Variants in TNS1 observed in about 807,000 individuals in gnomAD.
The protein encoded by TNS1 is tensin-1.
In TNS1, 62 loss-of-function variants were observed where a neutral mutation model predicts 168.6. The ratio of observed to expected loss-of-function variants is 0.37; its 90% CI spans 0.30 to 0.45. The LOEUF (loss-of-function observed/expected upper bound fraction) is 0.45. Ranked by LOEUF, TNS1 falls within the 20% of genes least tolerant of loss-of-function variation. TNS1 has a pLI of 1.00. For synonymous variants in TNS1, 934 were observed against 933.2 expected, an observed-to-expected ratio of 1.00 and a Z score of -0.02; for missense variants, 2,240 against 2,339.4, an observed-to-expected ratio of 0.96 and a Z score of 0.88.
intron 7 of TNS1, among the ~76,000 whole-genome samples, chr2:217,898,301 C>T (rs540635224): frequency 6.6e-6 from 1 of 152,374 alleles, no homozygotes; most frequent in East Asian, 1.9e-4. Context: ...CAGGGCCAGA[C>T]TGGCCCAGGA....
chr2:217,904,591 T>C (rs1036004096), intron 6 of TNS1, among the ~76,000 whole-genome samples: 1 of 152,080 alleles, frequency 6.6e-6, no homozygotes, highest in African/African-American at 2.4e-5. Flanking sequence ...ACAGCACACT[T>C]ACCCACCCCG....
upstream of TNS1, among the ~76,000 whole-genome samples, chr2:218,013,250 T>C (rs1319461638): frequency 3.4e-5 from 5 of 149,238 alleles, no homozygotes; most frequent in Non-Finnish European, 7.4e-5. Flanking sequence ...AGCGAGACTC[T>C]ATCTCAAAAA....
chr2:217,805,486 A>ACACACAC (rs1938449481), intron 32 of TNS1, among the ~76,000 whole-genome samples: 1 of 35,386 alleles, frequency 2.8e-5, no homozygotes, highest in Non-Finnish European at 5.3e-5. Flanking sequence ...CACACACACC[A>ACACACAC]CACACACACC....
intron 3 of TNS1, among the ~76,000 whole-genome samples, chr2:217,963,159 A>T (rs1957540737): frequency 6.6e-6 from 1 of 152,182 alleles, no homozygotes; most frequent in Non-Finnish European, 1.5e-5. Context: ...GGAAGGGGAG[A>T]GGAGTTCAAC....
chr2:217,858,006 G>A (rs1038191094), intron 18 of TNS1, among the ~76,000 whole-genome samples: 10 of 152,138 alleles, frequency 6.6e-5, no homozygotes, highest in Admixed American at 2.0e-4. Context: ...GGAGAAAGCC[G>A]TGAATGGGAG....
chr2:217,858,210 GC>G (rs534255989), intron 18 of TNS1, among the ~76,000 whole-genome samples: 2 of 151,656 alleles, frequency 1.3e-5, no homozygotes, highest in Non-Finnish European at 2.9e-5. Context: ...CAGACACACG[GC>G]CCCCCCACCA....
At chr2:218,031,064 GTGTA>G (rs886522111) in intron 1 of TNS1, among the ~76,000 whole-genome samples, 1 of 140,940 alleles carries the variant, frequency 7.1e-6, no homozygotes, top group Non-Finnish European at 1.5e-5. Flanking sequence ...ATATGTGTGA[GTGTA>G]TGTGTGTGTT....
rs143857677 is a variant in TNS1, at chr2:217,848,969, G to A, written c.1548C>T (p.Ala516=). Reference sequence around the variant, plus strand: ...GCGTGTGTTCCACGTGGTTGGGGGTGGCCGACAGTGTAGGACGTGTGGCAT... The same window carrying A: ...GCGTGTGTTCCACGTGGTTGGGGGTAGCCGACAGTGTAGGACGTGTGGCAT... ...AVNATRPTLS[A]TPNHVEHTLS... Residue 516 remains alanine, a synonymous_variant, in exon 19 of 33, where the codon GCC becomes GCT. Coordinates refer to ENST00000682258, the MANE Select transcript of TNS1 (RefSeq NM_001387777.1). The A allele has an allele frequency of 2.1e-4, 335 of 1,614,134 alleles. 1 individual carries two copies. In the East Asian group the frequency reaches 7.0e-3, roughly 34 times the overall value.
At chr2:218,026,258 A>T (rs1376965373) in intron 1 of TNS1, among the ~76,000 whole-genome samples, 1 of 152,140 alleles carries the variant, frequency 6.6e-6, no homozygotes, top group Non-Finnish European at 1.5e-5. Context: ...CCCAAGTGGA[A>T]CTCAGTGTAA....
In TNS1 at chr2:217,891,001, T is replaced by C. The variant is rs762044577; in HGVS notation, c.827A>G (p.Glu276Gly). 2.5e-6 allele frequency: 4 copies of C among 1,614,182 alleles called. No homozygotes were observed. Among genetic ancestry groups the C allele is most frequent in the Middle Eastern group, 1.6e-4 (1 of 6,062 alleles). Residue 276 changes from glutamate to glycine, a missense_variant, in exon 12 of 33, where the codon GAG (glutamate) becomes GGG (glycine). Physicochemically the swap from Glu to Gly is moderately conservative, Grantham distance 98 (BLOSUM62 -2). Around this residue, in one of 2 missense-constraint regions of TNS1, gnomAD observed 2,131 missense variants for 2,171.2 expected, o/e 0.98. Coordinates refer to ENST00000682258, the MANE Select transcript of TNS1 (RefSeq NM_001387777.1). ...CTGGCCAATGGGCACAATCTTATCC[T>C]CATAGAACCGCTTCATTGCAAACCG... ...LDRFAMKRFYEDKIVPIGQPS... is the reference protein window; with the variant it reads ...LDRFAMKRFYGDKIVPIGQPS...
chr2:217,913,061 G>A (rs576829779), intron 4 of TNS1, among the ~76,000 whole-genome samples: 8 of 152,224 alleles, frequency 5.3e-5, no homozygotes, highest in Admixed American at 3.3e-4. Context: ...CTCTCCCCTC[G>A]CTCAGTCTTG....
At chr2:218,002,246 G>A (rs1003669877) in intron 1 of TNS1, among the ~76,000 whole-genome samples, 3 of 152,132 alleles carry the variant, frequency 2.0e-5, no homozygotes, top group African/African-American at 7.2e-5. Context: ...AGCGGGCCAT[G>A]GCTCCCTCCT....
intron 10 of TNS1, 61 bp downstream of exon 10, chr2:217,893,378 A>C: frequency 6.6e-7 from 1 of 1,519,960 alleles, no homozygotes; most frequent in Middle Eastern, 2.2e-4. Flanking sequence ...AGGCACACAC[A>C]CATGTGCGCA....
chr2:217,989,959 T>C (rs1958312382), intron 2 of TNS1, among the ~76,000 whole-genome samples: 1 of 144,372 alleles, frequency 6.9e-6, no homozygotes, highest in African/African-American at 2.6e-5. Flanking sequence ...CCTCACGCCA[T>C]CCACACACCA....
At chr2:217,846,969 T>A (rs987337) in intron 19 of TNS1, among the ~76,000 whole-genome samples, 9 of 152,146 alleles carry the variant, frequency 5.9e-5, no homozygotes, top group African/African-American at 2.2e-4. Context: ...TTTCATGGCC[T>A]CTAGGAGCGG....
At chr2:217,917,097 C>T (rs1022911796) in intron 4 of TNS1, among the ~76,000 whole-genome samples, 1 of 152,210 alleles carries the variant, frequency 6.6e-6, no homozygotes, top group African/African-American at 2.4e-5. Context: ...CTCCCGGTTT[C>T]CCCTGGGCCA....
At chr2:217,910,521 A>T (rs1317395599) in intron 4 of TNS1, among the ~76,000 whole-genome samples, 1 of 151,962 alleles carries the variant, frequency 6.6e-6, no homozygotes, top group Non-Finnish European at 1.5e-5. Context: ...GACTGGTAAC[A>T]GGAGGGCAGG....
intron 2 of TNS1, 25 bp downstream of exon 2, chr2:217,990,917 C>G (rs1473374137): frequency 1.7e-6 from 1 of 588,928 alleles, no homozygotes; most frequent in South Asian, 2.0e-5. Flanking sequence ...TGCTCCCATC[C>G]CCCACAGCCC....
intron 18 of TNS1, among the ~76,000 whole-genome samples, chr2:217,863,321 A>G (rs896322676): frequency 6.6e-6 from 1 of 152,178 alleles, no homozygotes; most frequent in Non-Finnish European, 1.5e-5. Flanking sequence ...AGGGCCCCCC[A>G]GGGAATGTGT....
Sources: gnomAD v4.1 joint callset for allele counts (sites outside exome capture counted in the v4.1 genomes callset) on GRCh38, gnomAD v4.1.1 for gene constraint, gnomAD v4.1.1 regional missense constraint, MANE v1.5 for transcripts, NCBI Gene and HGNC (gene_info 2026-07-23, HGNC 2026-07-21) for gene names.